MAPK10: variants seen among roughly 807,000 people sequenced by gnomAD.
MAPK10 encodes the protein mitogen-activated protein kinase 10.
A neutral mutation model predicts 59.3 loss-of-function variants in MAPK10; 25 were observed. That is an observed-to-expected ratio of 0.42 (90% CI 0.31 to 0.59). The LOEUF (loss-of-function observed/expected upper bound fraction) is 0.59, where lower values mean the gene tolerates loss of function less well. MAPK10 is among the 20% of genes least tolerant of loss of function. The pLI is 0.15. For missense variants in MAPK10, 351 were observed against 568.9 expected, an observed-to-expected ratio of 0.62 and a Z score of 3.90; for synonymous variants, 190 against 200.5, an observed-to-expected ratio of 0.95 and a Z score of 0.44.
At chr4:86,130,185 T>C (rs1376318153) in intron 4 of MAPK10, among the ~76,000 whole-genome samples, 1 of 152,204 alleles carries the variant, frequency 6.6e-6, no homozygotes, top group African/African-American at 2.4e-5. Context: ...CATTTCAAGT[T>C]GTTGTGAGCT....
intron 9 of MAPK10, among the ~76,000 whole-genome samples, chr4:86,096,011 AT>A (rs976232612): frequency 5.3e-5 from 8 of 151,484 alleles, no homozygotes; most frequent in Non-Finnish European, 7.4e-5. Flanking sequence ...TCTTTATGCA[AT>A]TTTTTTTAAC....
chr4:86,166,731 G>A (rs757285760), intron 3 of MAPK10, among the ~76,000 whole-genome samples: 1 of 152,142 alleles, frequency 6.6e-6, no homozygotes, highest in Non-Finnish European at 1.5e-5. Flanking sequence ...TGCAGTTGCA[G>A]TTGGTGTCAT....
intron 2 of MAPK10, among the ~76,000 whole-genome samples, chr4:86,210,148 T>G (rs572343468): frequency 5.3e-4 from 80 of 152,204 alleles, no homozygotes; most frequent in Non-Finnish European, 1.0e-3. Flanking sequence ...CAGTCTTAAA[T>G]GTAAGACCTC....
intron 1 of MAPK10, among the ~76,000 whole-genome samples, chr4:86,370,377 A>T (rs1369409916): frequency 6.6e-6 from 1 of 152,132 alleles, no homozygotes; most frequent in Non-Finnish European, 1.5e-5. Flanking sequence ...ATAGATAACA[A>T]ATTTAAAAAA....
chr4:86,335,905 A>C (rs1017212684), intron 2 of MAPK10, among the ~76,000 whole-genome samples: 2 of 152,142 alleles, frequency 1.3e-5, no homozygotes, highest in African/African-American at 4.8e-5. Flanking sequence ...CTCCCTTGAC[A>C]TGTGGGGATT....
At position 86,509,344 on chromosome 4, in the gene MAPK10, C is replaced by T. The variant is rs189111332; in HGVS notation, c.-263+84566G>A. 8.6e-5 allele frequency among the ~76,000 whole-genome samples: 13 copies of T among 151,536 alleles called. No homozygotes were observed. The East Asian group carries it at 2.5e-3, about 29-fold the overall frequency. ...GGACATAAAGAGATATGTGTTTATA[C>T]AAATTAAGGTCTCAGATCAAATAGG... On this transcript the variant is annotated intron_variant, in intron 1 of 4. Coordinates refer to the MAPK10 transcript ENST00000502302.
At chr4:86,354,474 T>C (rs1208631893) in intron 2 of MAPK10, 56 bp downstream of exon 2, 1 of 698,300 alleles carries the variant, frequency 1.4e-6, no homozygotes, top group Admixed American at 4.3e-5. Flanking sequence ...ATATTTAAAT[T>C]GGCTATATAG....
chr4:86,332,805 T>C (rs1445014494), intron 2 of MAPK10: 1 of 152,222 alleles, frequency 6.6e-6, no homozygotes, highest in East Asian at 1.9e-4. Flanking sequence ...ACTCCATTTA[T>C]GGCTGGTTAA....
intron 2 of MAPK10, among the ~76,000 whole-genome samples, chr4:86,317,308 T>C (rs1214361004): frequency 6.6e-6 from 1 of 152,154 alleles, no homozygotes; most frequent in African/African-American, 2.4e-5. Context: ...AGGTTCCTTC[T>C]CACGTTCGTA....
At chr4:86,087,625 A>G (rs949079537) in intron 9 of MAPK10, among the ~76,000 whole-genome samples, 1 of 152,124 alleles carries the variant, frequency 6.6e-6, no homozygotes, top group Non-Finnish European at 1.5e-5. Context: ...CAAACAGAAG[A>G]TTAGAAAAAA....
chr4:86,108,590 TA>T (rs2056937349), intron 4 of MAPK10, among the ~76,000 whole-genome samples: 1 of 152,180 alleles, frequency 6.6e-6, no homozygotes, highest in Non-Finnish European at 1.5e-5. Flanking sequence ...CATTCCTCTC[TA>T]AAATATGTCC....
intron 4 of MAPK10, among the ~76,000 whole-genome samples, chr4:86,127,341 TA>T (rs1443594531): frequency 2.0e-5 from 3 of 152,012 alleles, no homozygotes; most frequent in Non-Finnish European, 4.4e-5. Flanking sequence ...AAATAATTGT[TA>T]CACAAGTAAA....
intron 1 of MAPK10, among the ~76,000 whole-genome samples, chr4:86,402,120 C>T (rs769951767): frequency 1.3e-5 from 2 of 151,688 alleles, no homozygotes; most frequent in African/African-American, 2.4e-5. Context: ...TCTCATTTTA[C>T]GGAAATTGTT....
chr4:86,556,728 A>T (rs1002318641), intron 1 of MAPK10, among the ~76,000 whole-genome samples: 1 of 152,156 alleles, frequency 6.6e-6, no homozygotes, highest in African/African-American at 2.4e-5. Flanking sequence ...TTATTCGTGG[A>T]GCCCTTTCGA....
chr4:86,474,201 A>G (rs1160732406), intron 1 of MAPK10, among the ~76,000 whole-genome samples: 1 of 152,136 alleles, frequency 6.6e-6, no homozygotes, highest in African/African-American at 2.4e-5. Flanking sequence ...CACAATTTTT[A>G]TTTGTTAGAA....
chr4:86,576,001 G>A lies in MAPK10; in HGVS notation c.-263+17909C>T, dbSNP rs1578159862. 6.8e-5 allele frequency among the ~76,000 whole-genome samples: 6 copies of A among 88,172 alleles called. No individual in the cohort carries two copies. The East Asian group carries it at 1.2e-3, about 18-fold the overall frequency. 57.8% of individuals were successfully genotyped at this position (88,172 alleles called of 152,430 possible). A position where few individuals can be genotyped will look rare whatever the true frequency, so the allele number is the denominator to read the frequency against. ...AACATAATATTGTGTGTGTATGCGT[G>A]TGTGTGTGTGTGTGTGTGTGTATTA... On this transcript the variant is annotated intron_variant, in intron 1 of 4. Transcript: ENST00000502302.
At chr4:86,232,146 G>A (rs2091642461) in intron 2 of MAPK10, among the ~76,000 whole-genome samples, 1 of 152,314 alleles carries the variant, frequency 6.6e-6, no homozygotes, top group African/African-American at 2.4e-5. Context: ...AAACAAAGGA[G>A]CATGGGCTGT....
At chr4:86,477,726 G>A (rs1467443308) in intron 1 of MAPK10, among the ~76,000 whole-genome samples, 1 of 152,184 alleles carries the variant, frequency 6.6e-6, no homozygotes, top group East Asian at 1.9e-4. Flanking sequence ...TTCAGGATCT[G>A]CACCTTATCA....
chr4:86,541,024 G>T (rs1018634560), intron 1 of MAPK10, among the ~76,000 whole-genome samples: 1 of 152,166 alleles, frequency 6.6e-6, no homozygotes, highest in African/African-American at 2.4e-5. Context: ...ATAACGCAGG[G>T]TGGCTGCAAA....
Sources: gnomAD v4.1 joint callset for allele counts (sites outside exome capture counted in the v4.1 genomes callset) on GRCh38, gnomAD v4.1.1 for gene constraint, MANE v1.5 for transcripts, NCBI Gene and HGNC (gene_info 2026-07-23, HGNC 2026-07-21) for gene names.